The following SSBP2 variants were observed in gnomAD, a reference collection of about 807,000 sequenced individuals.
SSBP2 encodes single stranded DNA binding protein 2.
Under a neutral mutation model 61.8 loss-of-function variants are expected in SSBP2, and 17 were observed. That is an observed-to-expected ratio of 0.28 (90% CI 0.19 to 0.41). The LOEUF (loss-of-function observed/expected upper bound fraction) is 0.41. Ranked by LOEUF, SSBP2 falls within the 10% of genes least tolerant of loss-of-function variation. The probability of loss-of-function intolerance (pLI) is 1.00; values close to 1 mark genes in which losing one functional copy is unlikely to be tolerated. For missense variants in SSBP2, 310 were observed against 458.7 expected, an observed-to-expected ratio of 0.68 and a Z score of 2.96; for synonymous variants, 139 against 141.3, an observed-to-expected ratio of 0.98 and a Z score of 0.12.
At chr5:81,658,023 A>G (rs1329052747) in intron 1 of SSBP2, among the ~76,000 whole-genome samples, 2 of 152,160 alleles carry the variant, frequency 1.3e-5, no homozygotes, top group Non-Finnish European at 2.9e-5. Flanking sequence ...TAACATATCC[A>G]TTGCCTCAAA....
intron 4 of SSBP2, among the ~76,000 whole-genome samples, chr5:81,542,666 A>C (rs1439974047): frequency 6.6e-6 from 1 of 151,800 alleles, no homozygotes; most frequent in Non-Finnish European, 1.5e-5. Context: ...CCTCACCCAA[A>C]TCTCATCTGG....
intron 2 of SSBP2, among the ~76,000 whole-genome samples, chr5:81,643,556 T>C (rs1748981199): frequency 6.6e-6 from 1 of 150,702 alleles, no homozygotes. Context: ...CTAAACCAAA[T>C]GTAAAAAAAG....
At chr5:81,673,495 G>T (rs1271304895) in intron 1 of SSBP2, among the ~76,000 whole-genome samples, 1 of 152,090 alleles carries the variant, frequency 6.6e-6, no homozygotes, top group Non-Finnish European at 1.5e-5. Context: ...CAGCCCATAT[G>T]AAAAGACAGG....
At chr5:81,611,190 T>A (rs1328782334) in intron 4 of SSBP2, among the ~76,000 whole-genome samples, 1 of 152,210 alleles carries the variant, frequency 6.6e-6, no homozygotes, top group Non-Finnish European at 1.5e-5. Context: ...AAACCTCTAA[T>A]CTCAGTTGTC....
chr5:81,501,928 C>T (rs1767824086), intron 5 of SSBP2, among the ~76,000 whole-genome samples: 1 of 151,290 alleles, frequency 6.6e-6, no homozygotes, highest in Non-Finnish European at 1.5e-5. Context: ...ATAGCAGATA[C>T]TCTTTTCCCA....
chr5:81,669,949 T>C (rs1466740467), intron 1 of SSBP2, among the ~76,000 whole-genome samples: 1 of 149,390 alleles, frequency 6.7e-6, no homozygotes. Context: ...CTTTATGACA[T>C]ACTGGAAAAG....
intron 4 of SSBP2, among the ~76,000 whole-genome samples, chr5:81,538,622 G>A (rs945439038): frequency 6.6e-6 from 1 of 152,230 alleles, no homozygotes; most frequent in Admixed American, 6.5e-5. Flanking sequence ...TGATTCTCTT[G>A]TTAGGCTGGT....
intron 5 of SSBP2, among the ~76,000 whole-genome samples, chr5:81,494,658 A>G (rs1767155038): frequency 6.6e-6 from 1 of 152,196 alleles, no homozygotes; most frequent in Non-Finnish European, 1.5e-5. Context: ...CCCAGCCTTC[A>G]GAACTCCAAA....
chr5:81,708,910 A>C (rs1754585429), intron 1 of SSBP2, among the ~76,000 whole-genome samples: 1 of 152,012 alleles, frequency 6.6e-6, no homozygotes, highest in Non-Finnish European at 1.5e-5. Flanking sequence ...AAGACAATTA[A>C]ATCTACTAGA....
Position 81,413,420 on chromosome 5 carries a change from A to C in SSBP2, c.*7084T>G, listed in dbSNP as rs1228734036. 1 of 152,256 alleles carries C rather than the reference A, an allele frequency of 6.6e-6. No homozygotes were observed. Among genetic ancestry groups the C allele is most frequent in the African/African-American group, 2.4e-5 (1 of 41,470 alleles). The allele number at this position is 152,256 out of a possible 1,614,324, so 9.4% of individuals were successfully genotyped here. On this transcript the variant is annotated 3_prime_UTR_variant, in exon 17 of 17. Coordinates refer to ENST00000320672, the MANE Select transcript of SSBP2 (RefSeq NM_012446.5). ...GTCATCCCAGATTCCAATTATATTTATACATAAATTGTGCATTTATAAAAA... is the reference window on the plus strand; with the variant it reads ...GTCATCCCAGATTCCAATTATATTTCTACATAAATTGTGCATTTATAAAAA...
chr5:81,629,449 T>A (rs896884438), intron 3 of SSBP2, among the ~76,000 whole-genome samples: 2 of 152,224 alleles, frequency 1.3e-5, no homozygotes, highest in African/African-American at 4.8e-5. Flanking sequence ...ATTTTATCAC[T>A]TCCTAATACT....
chr5:81,624,937 T>C (rs926480027), intron 3 of SSBP2, among the ~76,000 whole-genome samples: 1 of 152,108 alleles, frequency 6.6e-6, no homozygotes, highest in Non-Finnish European at 1.5e-5. Context: ...TAAAAAGGTA[T>C]GTAATCCATG....
intron 4 of SSBP2, among the ~76,000 whole-genome samples, chr5:81,544,100 A>G (rs1485648975): frequency 5.3e-5 from 8 of 152,022 alleles, no homozygotes; most frequent in Non-Finnish European, 1.0e-4. Flanking sequence ...CCCAGGCTGG[A>G]GTGCAGTGGC....
upstream of SSBP2, chr5:81,751,158 A>T (rs1757743817): frequency 1.9e-6 from 2 of 1,078,442 alleles, no homozygotes; most frequent in East Asian, 2.6e-5. Context: ...TGGCCGCCCC[A>T]CGCCAAAGCT....
intron 14 of SSBP2, 75 bp downstream of exon 14, chr5:81,440,483 A>C: frequency 7.7e-7 from 1 of 1,296,692 alleles, no homozygotes; most frequent in Non-Finnish European, 1.1e-6. Flanking sequence ...AGAACTTTGG[A>C]AACTGTAATA....
intron 1 of SSBP2, among the ~76,000 whole-genome samples, chr5:81,748,780 T>C (rs1206101875): frequency 1.3e-5 from 2 of 152,166 alleles, no homozygotes; most frequent in African/African-American, 4.8e-5. Context: ...GGTGTTCAGT[T>C]TGGTAGATTT....
At chr5:81,549,180 A>C (rs897648714) in intron 4 of SSBP2, among the ~76,000 whole-genome samples, 1 of 152,308 alleles carries the variant, frequency 6.6e-6, no homozygotes, top group East Asian at 1.9e-4. Flanking sequence ...TTGAAGACTT[A>C]GTTCAATCAC....
chr5:81,523,503 G>A (rs773133223), intron 4 of SSBP2, among the ~76,000 whole-genome samples: 7 of 152,032 alleles, frequency 4.6e-5, no homozygotes, highest in Middle Eastern at 6.8e-3. Context: ...AGGCTAAGAC[G>A]TACTGATTCA....
intron 1 of SSBP2, among the ~76,000 whole-genome samples, chr5:81,657,375 T>C (rs1750319012): frequency 6.6e-6 from 1 of 152,216 alleles, no homozygotes; most frequent in Admixed American, 6.5e-5. Context: ...TGGGGAAATA[T>C]ATTTTTGCAA....
Sources: allele counts gnomAD v4.1 joint callset (sites outside exome capture counted in the v4.1 genomes callset), GRCh38; gene constraint gnomAD v4.1.1; transcripts MANE v1.5; gene names NCBI Gene and HGNC (gene_info 2026-07-23, HGNC 2026-07-21).